Variants in ACLY observed in about 807,000 individuals in gnomAD.
The protein encoded by ACLY is ATP citrate lyase.
A neutral mutation model predicts 133.0 loss-of-function variants in ACLY; 41 were observed. The ratio of observed to expected loss-of-function variants is 0.31; its 90% CI spans 0.24 to 0.40. The LOEUF (loss-of-function observed/expected upper bound fraction) is 0.40, where lower values mean the gene tolerates loss of function less well. Ranked by LOEUF, ACLY falls within the 10% of genes least tolerant of loss-of-function variation. ACLY has a pLI of 1.00. For missense variants in ACLY, 1,046 were observed against 1,453.8 expected, an observed-to-expected ratio of 0.72 and a Z score of 4.56; for synonymous variants, 495 against 549.3, an observed-to-expected ratio of 0.90 and a Z score of 1.38.
In ACLY at chr17:41,904,746, C is replaced by T. The variant is rs2144372210; in HGVS notation, c.1048G>A (p.Val350Met). ...ACTGTTACCTTGAACGTGGCAGCCA[C>T]GTTGGTGAAGTTTGCGATGCTGCCT... is the stretch of plus-strand genomic sequence containing the variant. ...IGGSIANFTN[V>M]AATFKGIVRA... is the part of the protein sequence containing the mutation. Residue 350 changes from valine to methionine, a missense_variant, in exon 10 of 29, where the codon GTG becomes ATG. Val to Met is a conservative substitution (Grantham distance 21). Transcript: ENST00000352035. 1 of 1,614,064 alleles carries T rather than the reference C, an allele frequency of 6.2e-7. No homozygotes were observed. The highest frequency in any genetic ancestry group is 1.3e-5 in the African/African-American group (1 of 75,032).
upstream of ACLY, among the ~76,000 whole-genome samples, chr17:41,919,469 C>G (rs1308194242): frequency 1.3e-5 from 2 of 152,236 alleles, no homozygotes; most frequent in African/African-American, 4.8e-5. Context: ...AGGCCGCTTT[C>G]CTTTAGCACG....
chr17:41,929,761 A>G (rs577319117), intron 1 of ACLY, among the ~76,000 whole-genome samples: 51 of 152,200 alleles, frequency 3.4e-4, no homozygotes, highest in Non-Finnish European at 6.3e-4. Flanking sequence ...AGTTTCTCCC[A>G]ATGGTAACAT....
At chr17:41,871,937 C>G (rs1238266106) in intron 24 of ACLY, 95 bp downstream of exon 24, 59 of 1,592,634 alleles carry the variant, frequency 3.7e-5, no homozygotes, top group Admixed American at 2.1e-4. Context: ...GGGTTTTACA[C>G]TCAGGGGCTC....
Position 41,867,993 on chromosome 17 carries a change from C to CA in ACLY, c.3212-90dup, listed in dbSNP as rs112803826. On this transcript the variant is annotated intron_variant, in intron 28 of 28. Transcript: ENST00000352035. ...AAGGAAGGGAAATCTTTCTAACACA[C>CA]AAAAAAAGTAGACACAAAGCAGTGG... The CA allele has an allele frequency of 2.5e-4, 229 of 908,704 alleles. 3 individuals are homozygous for CA. The African/African-American group carries it at 3.1e-3, about 12-fold the overall frequency. 56.3% of individuals were successfully genotyped at this position (908,704 alleles called of 1,614,324 possible).
chr17:41,922,746 T>C (rs1297968158), upstream of ACLY, among the ~76,000 whole-genome samples: 4 of 152,234 alleles, frequency 2.6e-5, no homozygotes, highest in East Asian at 3.9e-4. Context: ...TGCTGAATGA[T>C]TGTCCTCCAT....
At chr17:41,879,765 C>T (rs2144247735) in intron 20 of ACLY, among the ~76,000 whole-genome samples, 1 of 144,862 alleles carries the variant, frequency 6.9e-6, no homozygotes, top group Non-Finnish European at 1.5e-5. Context: ...GTTCCCCAGG[C>T]TGGAATGCAG....
chr17:41,898,932 T>C, intron 11 of ACLY, 147 bp from the exon 12 acceptor site: 3 of 800,920 alleles, frequency 3.7e-6, no homozygotes, highest in South Asian at 3.9e-5. Flanking sequence ...TCAGCTGTCA[T>C]AATTTCACCA....
chr17:41,925,529 T>G (rs1409230515), intron 1 of ACLY, among the ~76,000 whole-genome samples: 4 of 151,550 alleles, frequency 2.6e-5, no homozygotes, highest in Non-Finnish European at 4.4e-5. Context: ...GAGGATTGCT[T>G]GAGCCCAGGA....
intron 22 of ACLY, among the ~76,000 whole-genome samples, chr17:41,874,574 CTT>C (rs1172812451): frequency 1.4e-4 from 18 of 130,284 alleles, no homozygotes; most frequent in South Asian, 2.5e-4. Context: ...TCCATTGCTT[CTT>C]TTTTTTTTTT....
At chr17:41,891,108 C>T (rs1385849949) in intron 16 of ACLY, among the ~76,000 whole-genome samples, 2 of 152,020 alleles carry the variant, frequency 1.3e-5, no homozygotes, top group African/African-American at 4.8e-5. Flanking sequence ...GATAACAGCA[C>T]ACTGCAACCT....
chr17:41,909,095 G>C (rs1270702069), intron 5 of ACLY, 27 bp from the exon 6 acceptor site: 1 of 1,578,334 alleles, frequency 6.3e-7, no homozygotes, highest in Non-Finnish European at 8.7e-7. Flanking sequence ...GAGAGGGACA[G>C]TTCATCCATC....
chr17:41,884,316 G>A, intron 18 of ACLY, 42 bp from the exon 19 acceptor site: 1 of 1,356,666 alleles, frequency 7.4e-7, no homozygotes, highest in Non-Finnish European at 1.1e-6. Flanking sequence ...ATCAGGAGGA[G>A]GCCTGGGGAA....
chr17:41,871,852 G>C lies in ACLY; in HGVS notation c.2794-20C>G. 6.2e-7 allele frequency: 1 copy of C among 1,613,056 alleles called. No individual in the cohort carries two copies. The highest frequency in any genetic ancestry group is 8.5e-7 in the Non-Finnish European group (1 of 1,179,888). On this transcript the variant is annotated intron_variant, in intron 24 of 28. Transcript: ENST00000352035. Reference sequence around the variant, plus strand: ...ATCCCCCTGGAGGAGAAACAAGTGCGTGTTGCCTTGAGCTTTAAGAGTTTC... The same window carrying C: ...ATCCCCCTGGAGGAGAAACAAGTGCCTGTTGCCTTGAGCTTTAAGAGTTTC...
chr17:41,918,453 A>G (rs556953408), intron 1 of ACLY, among the ~76,000 whole-genome samples: 2 of 152,332 alleles, frequency 1.3e-5, no homozygotes, highest in African/African-American at 4.8e-5. Flanking sequence ...GAGTGGGACC[A>G]GTCGCCACCG....
chr17:41,913,899 G>C lies in ACLY; in HGVS notation c.-23-3C>G. ...GGCTGCAGAGAGACCTGCTCTACCTGTCTGGGAGAGAGAAGCTGGTCAGAA... is the reference window on the plus strand; with the variant it reads ...GGCTGCAGAGAGACCTGCTCTACCTCTCTGGGAGAGAGAAGCTGGTCAGAA... On this transcript the variant is annotated splice_region_variant and splice_polypyrimidine_tract_variant and intron_variant, in intron 1 of 28. Transcript: ENST00000352035. 1 of 1,613,898 alleles carries C rather than the reference G, an allele frequency of 6.2e-7. No individual in the cohort carries two copies. The highest frequency in any genetic ancestry group is 8.5e-7 in the Non-Finnish European group (1 of 1,179,822).
At chr17:41,906,470 C>CT in intron 8 of ACLY, 58 bp downstream of exon 8, 1 of 1,492,978 alleles carries the variant, frequency 6.7e-7, no homozygotes, top group Non-Finnish European at 9.3e-7. Context: ...CCAGGCTACA[C>CT]ACATGTTGAT....
At chr17:41,872,832 CAACT>C (rs1200275879) in intron 23 of ACLY, among the ~76,000 whole-genome samples, 2 of 152,156 alleles carry the variant, frequency 1.3e-5, no homozygotes, top group Non-Finnish European at 2.9e-5. Flanking sequence ...TTCAACCTCC[CAACT>C]AAGAATCAGG....
chr17:41,902,773 A>T (rs782046416), intron 10 of ACLY, among the ~76,000 whole-genome samples: 3 of 152,210 alleles, frequency 2.0e-5, no homozygotes, highest in Non-Finnish European at 4.4e-5. Context: ...TTGTCTGTTA[A>T]ATCAGGTCCA....
At position 41,884,107 on chromosome 17, in the gene ACLY, T is replaced by A. The variant is rs917358246; in HGVS notation, c.2154+86A>T. 1.9e-5 allele frequency: 16 copies of A among 826,226 alleles called. No individual in the cohort carries two copies. The South Asian group carries it at 2.2e-4, about 12-fold the overall frequency. The allele number at this position is 826,226 out of a possible 1,614,324, so 51.2% of individuals were successfully genotyped here. ...CCAGGGACTGTCCCTTTAAGTTACA[T>A]GTAACCAAAATGTTTTAATTTTTTG... On this transcript the variant is annotated intron_variant, in intron 19 of 28. Transcript: ENST00000352035.
Sources: gnomAD v4.1 joint callset for allele counts (sites outside exome capture counted in the v4.1 genomes callset) on GRCh38, gnomAD v4.1.1 for gene constraint, MANE v1.5 for transcripts, NCBI Gene and HGNC (gene_info 2026-07-23, HGNC 2026-07-21) for gene names.